The following EDNRA variants were observed in gnomAD, a reference collection of about 807,000 sequenced individuals.
EDNRA encodes endothelin-1 receptor.
EDNRA carries 11 observed loss-of-function variants against 41.4 expected under a neutral mutation model. That is an observed-to-expected ratio of 0.27 (90% CI 0.17 to 0.44). EDNRA has a LOEUF of 0.44. Ranked by LOEUF, EDNRA falls within the 20% of genes least tolerant of loss-of-function variation. EDNRA has a pLI of 1.00. For missense variants in EDNRA, 294 were observed against 531.0 expected (o/e 0.55, Z 4.39); for synonymous variants, 172 against 183.0 (o/e 0.94, Z 0.49).
chr4:147,542,334 T>C (rs1731133082), intron 7 of EDNRA, 144 bp from the exon 8 acceptor site: 2 of 1,055,942 alleles, frequency 1.9e-6, no homozygotes. Flanking sequence ...GATAACAGGC[T>C]CTCCACTCTA....
chr4:147,515,691 GT>G (rs1256137342), intron 2 of EDNRA, among the ~76,000 whole-genome samples: 1 of 152,078 alleles, frequency 6.6e-6, no homozygotes, highest in Non-Finnish European at 1.5e-5. Context: ...TTACATTTTT[GT>G]TTACTTTCTG....
rs187956559 is a variant in EDNRA at position 147,524,531 on chromosome 4, G to C, written c.548+4553G>C. On this transcript the variant is annotated intron_variant, in intron 3 of 7. Coordinates refer to ENST00000651419, the MANE Select transcript of EDNRA (RefSeq NM_001957.4). ...AAGGAGGGAAGGAAAAGAAAGAAAA[G>C]AAAAAAAAGAAAAGAAAGTAAGAAA... 2.0e-5 allele frequency among the ~76,000 whole-genome samples: 3 copies of C among 151,248 alleles called. No homozygotes were observed. In the East Asian group the frequency reaches 5.8e-4, roughly 29 times the overall value.
rs1578801195 is a variant in EDNRA at position 147,519,811 on chromosome 4, C to A, written c.421-40C>A. The A allele has an allele frequency of 6.2e-7, 1 of 1,604,918 alleles. No homozygotes were observed. The highest frequency in any genetic ancestry group is 8.5e-7 in the Non-Finnish European group (1 of 1,175,098). ...CTGTAAGTGCCCACATGCTCCGTGC[C>A]AGCTCTACCATTTCTTACCACTGTG... On this transcript the variant is annotated intron_variant, in intron 2 of 7. Coordinates refer to ENST00000651419, the MANE Select transcript of EDNRA (RefSeq NM_001957.4). This position sits in a 1 kb window ranked among gnomAD's most constrained non-coding sequence, Gnocchi z 4.1.
chr4:147,491,830 G>T (rs2126385850), intron 2 of EDNRA: 1 of 152,304 alleles, frequency 6.6e-6, no homozygotes, highest in Non-Finnish European at 1.5e-5. Context: ...TTTTAAGAGA[G>T]AAAATGTGTC....
At chr4:147,512,305 T>C (rs1324553185) in intron 2 of EDNRA, among the ~76,000 whole-genome samples, 1 of 152,192 alleles carries the variant, frequency 6.6e-6, no homozygotes, top group Non-Finnish European at 1.5e-5. Context: ...TAATCTATCC[T>C]CAAAGGAAAA....
At chr4:147,505,530 C>T (rs1410350788) in intron 2 of EDNRA, among the ~76,000 whole-genome samples, 1 of 150,298 alleles carries the variant, frequency 6.7e-6, no homozygotes, top group African/African-American at 2.5e-5. Flanking sequence ...TTAGTAGAGA[C>T]GGGGTTTCAC....
chr4:147,533,070 A>G (rs1017203737), intron 4 of EDNRA, among the ~76,000 whole-genome samples: 1 of 152,148 alleles, frequency 6.6e-6, no homozygotes, highest in South Asian at 2.1e-4. Flanking sequence ...AATAATGAAT[A>G]CAACACAACA....
At chr4:147,539,729 G>A in intron 5 of EDNRA, 88 bp from the exon 6 acceptor site, 1 of 1,410,646 alleles carries the variant, frequency 7.1e-7, no homozygotes. Context: ...TCTTTCTCTG[G>A]TGTCTGCTAC....
intron 2 of EDNRA, among the ~76,000 whole-genome samples, chr4:147,502,785 C>T (rs762943520): frequency 1.3e-5 from 2 of 152,138 alleles, no homozygotes; most frequent in Non-Finnish European, 2.9e-5. Flanking sequence ...CATGTGATAA[C>T]ATGTCTGTAG....
intron 3 of EDNRA, among the ~76,000 whole-genome samples, chr4:147,526,506 G>T (rs1730553976): frequency 6.6e-6 from 1 of 152,174 alleles, no homozygotes; most frequent in Non-Finnish European, 1.5e-5. Flanking sequence ...GCAGGCTCAA[G>T]GCTCCTTTCA....
At chr4:147,504,500 C>T (rs1729620828) in intron 2 of EDNRA, among the ~76,000 whole-genome samples, 1 of 152,104 alleles carries the variant, frequency 6.6e-6, no homozygotes, top group Non-Finnish European at 1.5e-5. Context: ...ATTAAAAAGA[C>T]ATGTACCTAA....
chr4:147,527,683 T>G (rs1730601095), intron 3 of EDNRA, among the ~76,000 whole-genome samples: 1 of 152,220 alleles, frequency 6.6e-6, no homozygotes, highest in African/African-American at 2.4e-5. Context: ...CCTCTGGCCT[T>G]AATAACATGT....
At chr4:147,509,060 T>C (rs1371947541) in intron 2 of EDNRA, among the ~76,000 whole-genome samples, 1 of 152,228 alleles carries the variant, frequency 6.6e-6, no homozygotes, top group Non-Finnish European at 1.5e-5. Flanking sequence ...ATTCTTCTTT[T>C]GTTATATGTA....
chr4:147,516,601 A>C (rs1730124197), intron 2 of EDNRA, among the ~76,000 whole-genome samples: 1 of 152,212 alleles, frequency 6.6e-6, no homozygotes, highest in Non-Finnish European at 1.5e-5. Flanking sequence ...GGCAAATTAT[A>C]AATATTAGGG....
intron 4 of EDNRA, among the ~76,000 whole-genome samples, chr4:147,534,097 TTC>T: frequency 6.6e-6 from 1 of 152,340 alleles, no homozygotes; most frequent in Admixed American, 6.5e-5. Context: ...CATTACCCAT[TTC>T]TCTGTGGGCC....
At chr4:147,495,256 C>T (rs1729266192) in intron 2 of EDNRA, 1 of 152,166 alleles carries the variant, frequency 6.6e-6, no homozygotes, top group Admixed American at 6.5e-5. Flanking sequence ...GCCAGCCTGC[C>T]GTACTGTTCT....
Position 147,505,326 on chromosome 4 carries a change from C to CTTTTTTTTT in EDNRA, c.421-14525_421-14524insTTTTTTTTT, listed in dbSNP as rs1729660192. On this transcript the variant is annotated intron_variant, in intron 2 of 7. Coordinates refer to ENST00000651419, the MANE Select transcript of EDNRA (RefSeq NM_001957.4). ...AAGAGAGTTTGGCAGTTTCTTTTTT[C>CTTTTTTTTT]ATTTTTTTTTTTTTTTTTTTTTTTT... 2.1e-4 allele frequency among the ~76,000 whole-genome samples: 17 copies of CTTTTTTTTT among 82,018 alleles called. 1 individual carries two copies. The highest frequency in any genetic ancestry group is 8.7e-4 in the African/African-American group (16 of 18,398). 53.8% of individuals were successfully genotyped at this position (82,018 alleles called of 152,430 possible).
chr4:147,526,633 T>C (rs1327770282), intron 3 of EDNRA, among the ~76,000 whole-genome samples: 1 of 152,208 alleles, frequency 6.6e-6, no homozygotes, highest in Non-Finnish European at 1.5e-5. Context: ...TTTGCAGCTG[T>C]CTTTTAATTC....
At chr4:147,532,094 C>T (rs1186202714) in intron 3 of EDNRA, among the ~76,000 whole-genome samples, 1 of 145,866 alleles carries the variant, frequency 6.9e-6, no homozygotes, top group Non-Finnish European at 1.5e-5. Context: ...AGACGGATCA[C>T]GAGGTCAGGA....
Sources: allele counts gnomAD v4.1 joint callset (sites outside exome capture counted in the v4.1 genomes callset), GRCh38; gene constraint gnomAD v4.1.1; non-coding constraint Gnocchi (gnomAD v3.1); transcripts MANE v1.5; gene names NCBI Gene and HGNC (gene_info 2026-07-23, HGNC 2026-07-21).